The following SPTLC2 variants were observed in gnomAD, a reference collection of about 807,000 sequenced individuals.
The protein encoded by SPTLC2 is serine palmitoyltransferase long chain base subunit 2.
A neutral mutation model predicts 62.0 loss-of-function variants in SPTLC2; 21 were observed. The ratio of observed to expected loss-of-function variants is 0.34; its 90% confidence interval spans 0.24 to 0.49. The LOEUF is 0.49. Ranked by LOEUF, SPTLC2 falls within the 20% of genes least tolerant of loss-of-function variation. The probability of loss-of-function intolerance (pLI) is 0.99; values close to 1 mark genes in which losing one functional copy is unlikely to be tolerated. For missense variants in SPTLC2, 511 were observed against 713.0 expected (o/e 0.72, Z 3.23); for synonymous variants, 261 against 261.8 (o/e 1.00, Z 0.03).
intron 5 of SPTLC2, among the ~76,000 whole-genome samples, chr14:77,568,584 A>G (rs1234361334): frequency 1.3e-5 from 2 of 151,986 alleles, no homozygotes; most frequent in African/African-American, 2.4e-5. Flanking sequence ...CGAGGCAGGC[A>G]GATCATGAGG....
chr14:77,606,763 G>A (rs1386694695), intron 1 of SPTLC2, among the ~76,000 whole-genome samples: 1 of 152,176 alleles, frequency 6.6e-6, no homozygotes, highest in African/African-American at 2.4e-5. Flanking sequence ...AAGGCGGGAG[G>A]ATTGCTTGGA....
intron 9 of SPTLC2, among the ~76,000 whole-genome samples, chr14:77,527,940 A>C (rs73319095): frequency 0.076 from 11,645 of 152,232 alleles, 486 homozygotes; most frequent in African/African-American, 0.096. Flanking sequence ...TAACCAACAA[A>C]AACATGTTTG....
chr14:77,555,620 C>T, intron 7 of SPTLC2, 101 bp from the exon 8 acceptor site: 2 of 1,039,174 alleles, frequency 1.9e-6, no homozygotes, highest in Non-Finnish European at 1.4e-6. Context: ...TTTACTGCTT[C>T]TTTTTTTTTT....
intron 5 of SPTLC2, among the ~76,000 whole-genome samples, chr14:77,565,894 T>C (rs2079642310): frequency 6.6e-6 from 1 of 152,232 alleles, no homozygotes; most frequent in Admixed American, 6.5e-5. Flanking sequence ...GAACTCTCTG[T>C]ACTCTTTTGT....
intron 6 of SPTLC2, among the ~76,000 whole-genome samples, chr14:77,561,057 G>T (rs1042911847): frequency 6.7e-6 from 1 of 150,312 alleles, no homozygotes; most frequent in African/African-American, 2.4e-5. Flanking sequence ...AATGCTTAGA[G>T]GCAATTTGGA....
chr14:77,610,915 A>ATT (rs148559188), intron 1 of SPTLC2, among the ~76,000 whole-genome samples: 1 of 139,142 alleles, frequency 7.2e-6, no homozygotes, highest in African/African-American at 2.7e-5. Flanking sequence ...TTATATATAT[A>ATT]TATTTTTATT....
intron 9 of SPTLC2, among the ~76,000 whole-genome samples, chr14:77,522,212 GGA>G (rs546316756): frequency 9.4e-4 from 142 of 151,710 alleles, no homozygotes; most frequent in African/African-American, 3.3e-3. Flanking sequence ...CGCCCAGGCT[GGA>G]GTGCAACGGC....
chr14:77,576,208 C>A (rs917972945), intron 4 of SPTLC2, among the ~76,000 whole-genome samples: 1 of 152,196 alleles, frequency 6.6e-6, no homozygotes, highest in African/African-American at 2.4e-5. Context: ...TTGGAACAAT[C>A]TGAAATCTTC....
At chr14:77,530,751 C>A (rs1009770505) in intron 9 of SPTLC2, among the ~76,000 whole-genome samples, 2 of 152,084 alleles carry the variant, frequency 1.3e-5, no homozygotes, top group African/African-American at 4.8e-5. Context: ...ATAGAGAAAC[C>A]AAGACTTGAC....
At chr14:77,535,618 T>C (rs1329611737) in intron 9 of SPTLC2, 4 of 163,462 alleles carry the variant, frequency 2.4e-5, no homozygotes, top group South Asian at 1.5e-4. Context: ...AAATATTTAA[T>C]GAATGAATGA....
intron 2 of SPTLC2, among the ~76,000 whole-genome samples, chr14:77,596,491 G>A (rs2079848288): frequency 6.7e-6 from 1 of 149,726 alleles, no homozygotes; most frequent in South Asian, 2.2e-4. Flanking sequence ...TTGACAAAGC[G>A]AGACTCTGTC....
At chr14:77,544,794 C>A (rs759824602) in intron 9 of SPTLC2, among the ~76,000 whole-genome samples, 5 of 152,186 alleles carry the variant, frequency 3.3e-5, no homozygotes, top group South Asian at 2.1e-4. Context: ...GAGCAATAAT[C>A]CTGCTAAGTC....
At chr14:77,583,525 G>A (rs2299919) in intron 2 of SPTLC2, among the ~76,000 whole-genome samples, 26,490 of 152,000 alleles carry the variant, frequency 0.17, 2,899 homozygotes, top group East Asian at 0.55. Context: ...AGTTCTCTCC[G>A]CAAAGAGTGA....
intron 2 of SPTLC2, among the ~76,000 whole-genome samples, chr14:77,592,839 G>A (rs1329775795): frequency 6.6e-6 from 1 of 152,106 alleles, no homozygotes; most frequent in Non-Finnish European, 1.5e-5. Flanking sequence ...GCTAGGCACG[G>A]TGGCTCACTC....
intron 4 of SPTLC2, among the ~76,000 whole-genome samples, chr14:77,572,144 C>T (rs911935224): frequency 6.6e-6 from 1 of 152,186 alleles, no homozygotes; most frequent in Non-Finnish European, 1.5e-5. Flanking sequence ...TACTATATGT[C>T]GCCACTGCAC....
chr14:77,557,309 CCA>C, intron 6 of SPTLC2, 163 bp from the exon 7 acceptor site: 1 of 634,258 alleles, frequency 1.6e-6, no homozygotes, highest in Non-Finnish European at 2.7e-6. Context: ...TGAATTATTG[CCA>C]CCTTGAATTG....
chr14:77,591,807 T>C (rs1206966767), intron 2 of SPTLC2, among the ~76,000 whole-genome samples: 1 of 152,104 alleles, frequency 6.6e-6, no homozygotes, highest in Non-Finnish European at 1.5e-5. Flanking sequence ...CACTGCAACC[T>C]CCACCTCTCT....
intron 5 of SPTLC2, among the ~76,000 whole-genome samples, chr14:77,567,102 C>G (rs563032674): frequency 2.6e-5 from 4 of 152,226 alleles, no homozygotes; most frequent in African/African-American, 9.6e-5. Context: ...TCCAGAGTAG[C>G]TGGGACTACA....
intron 5 of SPTLC2, among the ~76,000 whole-genome samples, chr14:77,568,198 T>A (rs940183205): frequency 6.6e-6 from 1 of 152,244 alleles, no homozygotes; most frequent in Non-Finnish European, 1.5e-5. Flanking sequence ...TCCCCTGTTT[T>A]TTCTTCTTTG....
Sources: gnomAD v4.1 joint callset for allele counts (sites outside exome capture counted in the v4.1 genomes callset) on GRCh38, gnomAD v4.1.1 for gene constraint, MANE v1.5 for transcripts, NCBI Gene and HGNC (gene_info 2026-07-23, HGNC 2026-07-21) for gene names.